Variants in CCL17 observed in about 807,000 individuals in gnomAD.
CCL17 encodes the protein C-C motif chemokine 17.
Under a neutral mutation model 7.4 loss-of-function variants are expected in CCL17, and 8 were observed. The observed-to-expected ratio is 1.09, with a 90% confidence interval of 0.64 to 1.96. The LOEUF (loss-of-function observed/expected upper bound fraction) is 1.96, where lower values mean the gene tolerates loss of function less well. Among genes scored for constraint, CCL17 ranks in the 30% most tolerant of loss-of-function variants. CCL17 has a pLI of 0.00. For missense variants in CCL17, 102 were observed against 113.0 expected, an observed-to-expected ratio of 0.90 and a Z score of 0.44; for synonymous variants, 40 against 46.1, an observed-to-expected ratio of 0.87 and a Z score of 0.54.
upstream of CCL17, among the ~76,000 whole-genome samples, chr16:57,403,922 G>T (rs1902658237): frequency 6.6e-6 from 1 of 151,560 alleles, no homozygotes; most frequent in African/African-American, 2.4e-5. Flanking sequence ...CTCCCAAAGT[G>T]CTGGGATTAC....
chr16:57,403,685 C>A (rs1902654550), upstream of CCL17, among the ~76,000 whole-genome samples: 1 of 109,268 alleles, frequency 9.2e-6, no homozygotes, highest in Non-Finnish European at 1.7e-5. Flanking sequence ...GAGATAGAGT[C>A]TTGCTCTGTT....
At position 57,413,929 on chromosome 16, in the gene CCL17, C is replaced by T. The variant is rs371038630; in HGVS notation, c.-4C>T. ...CAGAGACTCCCTCCTGGGCTCCTGG[C>T]ACCATGGCCCCACTGAAGATGCTGG... On this transcript the variant is annotated 5_prime_UTR_variant, in exon 2 of 4. Transcript: ENST00000219244. 8.1e-6 allele frequency: 13 copies of T among 1,605,176 alleles called. No homozygotes were observed. In the African/African-American group the frequency reaches 1.6e-4, roughly 20 times the overall value.
chr16:57,403,379 ATATAT>A (rs1902626521), upstream of CCL17, among the ~76,000 whole-genome samples: 2 of 21,948 alleles, frequency 9.1e-5, no homozygotes, highest in South Asian at 1.6e-3. Flanking sequence ...TATATATAAC[ATATAT>A]TATATATAAT....
intron 1 of CCL17, among the ~76,000 whole-genome samples, chr16:57,412,088 C>T (rs772527760): frequency 2.6e-5 from 4 of 152,188 alleles, no homozygotes; most frequent in African/African-American, 7.2e-5. Flanking sequence ...AATGTTGGTG[C>T]GAGGCCCACC....
chr16:57,397,269 G>A, the CCL17 span, among the ~76,000 whole-genome samples: 1 of 152,178 alleles, frequency 6.6e-6, no homozygotes, highest in African/African-American at 2.4e-5. Flanking sequence ...CTGTAAATAG[G>A]GATTTGGCCA....
At position 57,415,699 on chromosome 16, in the gene CCL17, C is replaced by T; in HGVS notation, c.189-66C>T. ...GGAATCCTGGTCAGCACAGGGCGGG[C>T]CGTCCCAGGGACTCTGGGGGCCCTT... is the stretch of plus-strand genomic sequence containing the variant. On this transcript the variant is annotated intron_variant, in intron 3 of 3. Coordinates refer to ENST00000219244, the MANE Select transcript of CCL17 (RefSeq NM_002987.3). The surrounding 1 kb of genome is among the most constrained non-coding windows in gnomAD (Gnocchi z 4.5). 9.7e-7 allele frequency: 1 copy of T among 1,026,968 alleles called. No homozygotes were observed. Among genetic ancestry groups the T allele is most frequent in the Non-Finnish European group, 1.5e-6 (1 of 647,258 alleles). 63.6% of individuals were successfully genotyped at this position (1,026,968 alleles called of 1,614,324 possible).
intron 1 of CCL17, among the ~76,000 whole-genome samples, chr16:57,406,270 C>T (rs901223006): frequency 9.2e-5 from 14 of 152,118 alleles, no homozygotes; most frequent in Admixed American, 5.9e-4. Flanking sequence ...ATGGCTCAGT[C>T]GTGCACCACC....
At chr16:57,412,285 A>C (rs897000817) in intron 1 of CCL17, among the ~76,000 whole-genome samples, 7 of 152,168 alleles carry the variant, frequency 4.6e-5, no homozygotes, top group Admixed American at 2.0e-4. Flanking sequence ...CAGGTGCGGA[A>C]GCAGCCACAG....
upstream of CCL17, among the ~76,000 whole-genome samples, chr16:57,402,940 G>A (rs1902613127): frequency 6.8e-6 from 1 of 147,978 alleles, no homozygotes; most frequent in Admixed American, 7.0e-5. Flanking sequence ...GGGGGTGGGG[G>A]TACAGGTGGG....
chr16:57,398,927 C>T, the CCL17 span, among the ~76,000 whole-genome samples: 11 of 152,290 alleles, frequency 7.2e-5, no homozygotes, highest in Admixed American at 3.9e-4. Flanking sequence ...GAGGCAAGAC[C>T]GTCCATGTAA....
At chr16:57,408,698 A>T (rs1316611395) in intron 1 of CCL17, among the ~76,000 whole-genome samples, 3 of 151,668 alleles carry the variant, frequency 2.0e-5, no homozygotes, top group South Asian at 2.1e-4. Context: ...CCTCCCGAGC[A>T]GCTGGGATTA....
intron 1 of CCL17, among the ~76,000 whole-genome samples, chr16:57,412,570 G>A (rs1327668345): frequency 6.6e-6 from 1 of 152,244 alleles, no homozygotes. Flanking sequence ...ATTAACACAG[G>A]GTGGACTGTG....
intron 1 of CCL17, among the ~76,000 whole-genome samples, chr16:57,408,943 C>G (rs973617126): frequency 6.6e-6 from 1 of 152,088 alleles, no homozygotes; most frequent in African/African-American, 2.4e-5. Flanking sequence ...CTCCTGGGCT[C>G]AAGTGATCCA....
At chr16:57,414,655 C>G (rs546774111) in intron 2 of CCL17, among the ~76,000 whole-genome samples, 32 of 152,110 alleles carry the variant, frequency 2.1e-4, no homozygotes, top group Admixed American at 8.5e-4. Flanking sequence ...CCTTGGCCTC[C>G]CAAAGTGCTG....
rs144809009 is a variant in CCL17 at position 57,407,952 on chromosome 16, A to C, written c.-60+3116A>C. ...CTATTTATTCTCTCACCATCCGTCCACACATCCATCTACCATCCATCCATC... is the reference window on the plus strand; with the variant it reads ...CTATTTATTCTCTCACCATCCGTCCCCACATCCATCTACCATCCATCCATC... On this transcript the variant is annotated intron_variant, in intron 1 of 3. Coordinates refer to ENST00000219244, the MANE Select transcript of CCL17 (RefSeq NM_002987.3). Among the ~76,000 whole-genome samples the C allele has an allele frequency of 7.2e-4, 108 of 150,514 alleles. 2 individuals carry two copies. In the East Asian group the frequency reaches 0.016, roughly 23 times the overall value.
rs368964878 is a variant in CCL17 at position 57,410,433 on chromosome 16, T to C, written c.-59-3441T>C. 2.6e-4 allele frequency among the ~76,000 whole-genome samples: 39 copies of C among 152,274 alleles called. 1 individual carries two copies. In the South Asian group the frequency reaches 7.5e-3, roughly 29 times the overall value. ...CCAATTACCCTTCACACTCTCCTAATAGGCCTAACAGTGTCTGGCCTGCTT... is the reference window on the plus strand; with the variant it reads ...CCAATTACCCTTCACACTCTCCTAACAGGCCTAACAGTGTCTGGCCTGCTT... On this transcript the variant is annotated intron_variant, in intron 1 of 3. Transcript: ENST00000219244.
intron 1 of CCL17, among the ~76,000 whole-genome samples, chr16:57,406,179 T>C (rs1165498335): frequency 6.6e-6 from 1 of 152,212 alleles, no homozygotes; most frequent in African/African-American, 2.4e-5. Flanking sequence ...GCTAGCTCTG[T>C]GCCCATGAAG....
rs1276201119 is a variant in CCL17 at position 57,415,700 on chromosome 16, C to T, written c.189-65C>T. On this transcript the variant is annotated intron_variant, in intron 3 of 3. Coordinates refer to ENST00000219244, the MANE Select transcript of CCL17 (RefSeq NM_002987.3). This position sits in a 1 kb window ranked among gnomAD's most constrained non-coding sequence, Gnocchi z 4.5. ...GAATCCTGGTCAGCACAGGGCGGGC[C>T]GTCCCAGGGACTCTGGGGGCCCTTC... The T allele has an allele frequency of 1.2e-5, 12 of 1,038,310 alleles. No individual in the cohort carries two copies. Among genetic ancestry groups the T allele is most frequent in the East Asian group, 7.1e-5 (3 of 42,110 alleles). 64.3% of individuals were successfully genotyped at this position (1,038,310 alleles called of 1,614,324 possible).
At chr16:57,405,503 G>A (rs1254575372) in intron 1 of CCL17, among the ~76,000 whole-genome samples, 1 of 152,192 alleles carries the variant, frequency 6.6e-6, no homozygotes, top group Non-Finnish European at 1.5e-5. Context: ...GGAGGCTGGT[G>A]TGAGAGGGAA....
Sources: gnomAD v4.1 joint callset for allele counts (sites outside exome capture counted in the v4.1 genomes callset) on GRCh38, gnomAD v4.1.1 for gene constraint, Gnocchi (gnomAD v3.1) non-coding constraint, MANE v1.5 for transcripts, NCBI Gene and HGNC (gene_info 2026-07-23, HGNC 2026-07-21) for gene names.